CNTN4: variants seen among roughly 807,000 people sequenced by gnomAD.
CNTN4 encodes contactin-4.
CNTN4 carries 77 observed loss-of-function variants against 122.5 expected under a neutral mutation model. The ratio of observed to expected loss-of-function variants is 0.63; its 90% confidence interval spans 0.52 to 0.76. The LOEUF (loss-of-function observed/expected upper bound fraction) is 0.76. Among genes scored for constraint, CNTN4 ranks in the 30% least tolerant of loss-of-function variants. CNTN4 has a pLI of 0.00. For synonymous variants in CNTN4, 512 were observed against 447.0 expected (o/e 1.15, Z -1.83); for missense variants, 1,256 against 1,259.1 (o/e 1.00, Z 0.04).
intron 2 of CNTN4, among the ~76,000 whole-genome samples, chr3:2,157,618 A>G (rs1230841743): frequency 1.3e-5 from 2 of 152,206 alleles, no homozygotes; most frequent in Admixed American, 1.3e-4. Flanking sequence ...GTGTTTTCTC[A>G]TCTACAAAAA....
intron 12 of CNTN4, among the ~76,000 whole-genome samples, chr3:2,918,229 A>G (rs2094390694): frequency 6.6e-6 from 1 of 152,192 alleles, no homozygotes; most frequent in African/African-American, 2.4e-5. Context: ...GCATGTCTAG[A>G]ATAGAGCCTG....
chr3:3,010,696 G>A (rs1486036037), intron 14 of CNTN4, among the ~76,000 whole-genome samples: 1 of 152,068 alleles, frequency 6.6e-6, no homozygotes, highest in East Asian at 1.9e-4. Flanking sequence ...GGACGAGGAG[G>A]GCGCTGTGAA....
intron 4 of CNTN4, among the ~76,000 whole-genome samples, chr3:2,622,195 G>A (rs2082016395): frequency 6.6e-6 from 1 of 152,126 alleles, no homozygotes; most frequent in African/African-American, 2.4e-5. Context: ...GGCAGTAGGA[G>A]GAGATTTAAT....
intron 3 of CNTN4, among the ~76,000 whole-genome samples, chr3:2,541,351 T>C (rs1479679880): frequency 6.6e-6 from 1 of 152,108 alleles, no homozygotes; most frequent in Non-Finnish European, 1.5e-5. Flanking sequence ...CGTTTATGTA[T>C]TCAATACTTT....
intron 10 of CNTN4, 27 bp from the exon 11 acceptor site, chr3:2,900,658 C>G (rs2094163370): frequency 6.2e-7 from 1 of 1,611,768 alleles, no homozygotes. Context: ...GAATATACAC[C>G]TTTCTTTGCT....
intron 6 of CNTN4, among the ~76,000 whole-genome samples, chr3:2,772,379 G>A (rs1243529812): frequency 2.2e-5 from 3 of 136,888 alleles, no homozygotes; most frequent in African/African-American, 8.6e-5. Flanking sequence ...AGGTTCGTTG[G>A]ATGGTTTGGG....
intron 13 of CNTN4, among the ~76,000 whole-genome samples, chr3:2,961,299 A>G (rs1040032199): frequency 1.3e-5 from 2 of 150,010 alleles, no homozygotes; most frequent in Non-Finnish European, 3.0e-5. Flanking sequence ...AGTCCCCCTC[A>G]TCACCCCAGC....
At chr3:2,545,918 C>T (rs140206344) in intron 3 of CNTN4, among the ~76,000 whole-genome samples, 5 of 151,952 alleles carry the variant, frequency 3.3e-5, no homozygotes, top group African/African-American at 1.2e-4. Context: ...TGAAAAAATG[C>T]TCAACATCAC....
chr3:2,644,135 T>C (rs1405806670), intron 4 of CNTN4, among the ~76,000 whole-genome samples: 5 of 152,124 alleles, frequency 3.3e-5, no homozygotes, highest in Non-Finnish European at 7.4e-5. Flanking sequence ...CCCCCCAGTG[T>C]GTGTTCTTCC....
At chr3:2,959,523 C>T (rs1241349223) in intron 13 of CNTN4, among the ~76,000 whole-genome samples, 6 of 151,964 alleles carry the variant, frequency 3.9e-5, no homozygotes, top group African/African-American at 1.4e-4. Context: ...GAGGAGCTTA[C>T]CCTTGGCTTT....
At chr3:2,685,839 T>G (rs1914009) in intron 4 of CNTN4, among the ~76,000 whole-genome samples, 1 of 151,752 alleles carries the variant, frequency 6.6e-6, no homozygotes, top group East Asian at 1.9e-4. Context: ...TTTACATTAG[T>G]GGACTTTTTG....
chr3:2,116,598 A>G (rs957981146), intron 2 of CNTN4, among the ~76,000 whole-genome samples: 2 of 152,188 alleles, frequency 1.3e-5, no homozygotes, highest in South Asian at 4.1e-4. Flanking sequence ...TAATTCTTCT[A>G]GGTAGATATA....
intron 7 of CNTN4, among the ~76,000 whole-genome samples, chr3:2,860,237 A>G (rs1334190305): frequency 1.3e-5 from 2 of 152,226 alleles, no homozygotes; most frequent in Admixed American, 6.5e-5. Flanking sequence ...TTTATGTGCC[A>G]ACACAAATTG....
intron 4 of CNTN4, among the ~76,000 whole-genome samples, chr3:2,631,879 C>CAAAAAAAAAAAAAAAAAAAAA (rs1027845200): frequency 8.8e-6 from 1 of 113,420 alleles, no homozygotes; most frequent in Non-Finnish European, 1.7e-5. Context: ...AAAAAAAAAA[C>CAAAAAAAAAAAAAAAAAAAAA]AAAAAAAAAC....
intron 2 of CNTN4, among the ~76,000 whole-genome samples, chr3:2,167,224 T>TC (rs1318188497): frequency 1.3e-5 from 2 of 152,152 alleles, no homozygotes; most frequent in Admixed American, 1.3e-4. Flanking sequence ...GGAAAGTTTT[T>TC]CACTATTATA....
At chr3:2,684,133 A>C (rs189366802) in intron 4 of CNTN4, among the ~76,000 whole-genome samples, 1 of 152,164 alleles carries the variant, frequency 6.6e-6, no homozygotes, top group South Asian at 2.1e-4. Flanking sequence ...TCCAGTGTAT[A>C]TATAGGAGTC....
chr3:2,876,959 T>G (rs2093851599), intron 8 of CNTN4, among the ~76,000 whole-genome samples: 1 of 152,224 alleles, frequency 6.6e-6, no homozygotes, highest in South Asian at 2.1e-4. Context: ...AGCATCAACA[T>G]CACCTTGGAC....
chr3:3,007,399 C>T (rs1471183276), intron 14 of CNTN4, among the ~76,000 whole-genome samples: 1 of 152,164 alleles, frequency 6.6e-6, no homozygotes, highest in Non-Finnish European at 1.5e-5. Flanking sequence ...ACCATCATTT[C>T]TATAATGCCA....
intron 2 of CNTN4, among the ~76,000 whole-genome samples, chr3:2,308,890 C>G (rs916530994): frequency 1.1e-4 from 17 of 152,056 alleles, no homozygotes; most frequent in African/African-American, 4.1e-4. Flanking sequence ...CTTTTACAGT[C>G]TAAGTTGAAA....
Sources: allele counts gnomAD v4.1 joint callset (sites outside exome capture counted in the v4.1 genomes callset), GRCh38; gene constraint gnomAD v4.1.1; transcripts MANE v1.5; gene names NCBI Gene and HGNC (gene_info 2026-07-23, HGNC 2026-07-21).